Variants in CFAP54 observed in about 807,000 individuals in gnomAD.
The protein encoded by CFAP54 is cilia and flagella associated protein 54.
Under a neutral mutation model 370.4 loss-of-function variants are expected in CFAP54, and 290 were observed. The ratio of observed to expected loss-of-function variants is 0.78; its 90% CI spans 0.71 to 0.86. The LOEUF (loss-of-function observed/expected upper bound fraction) is 0.86, where lower values mean the gene tolerates loss of function less well. CFAP54 is among the 40% of genes least tolerant of loss of function. The pLI is 0.00. For missense variants in CFAP54, 3,399 were observed against 3,528.7 expected (o/e 0.96, Z 0.93); for synonymous variants, 1,206 against 1,236.5 (o/e 0.98, Z 0.52).
chr12:96,719,716 A>G (rs919024461), intron 49 of CFAP54, among the ~76,000 whole-genome samples: 1 of 152,216 alleles, frequency 6.6e-6, no homozygotes, highest in Admixed American at 6.5e-5. Flanking sequence ...AGATGCTCTG[A>G]CTTTTTGTTG....
At chr12:96,686,244 A>T (rs927563789) in intron 42 of CFAP54, among the ~76,000 whole-genome samples, 1 of 152,018 alleles carries the variant, frequency 6.6e-6, no homozygotes, top group Non-Finnish European at 1.5e-5. Context: ...TCAATATCCT[A>T]ATCTCCTCTT....
At chr12:96,792,130 G>A (rs1403456198) in intron 62 of CFAP54, among the ~76,000 whole-genome samples, 199 bp from the exon 63 acceptor site, 3 of 152,134 alleles carry the variant, frequency 2.0e-5, no homozygotes, top group Non-Finnish European at 4.4e-5. Flanking sequence ...GATTACAGGC[G>A]TCAGCCACCG....
At chr12:96,852,659 A>G (rs559881304) in intron 66 of CFAP54, among the ~76,000 whole-genome samples, 4 of 152,148 alleles carry the variant, frequency 2.6e-5, no homozygotes, top group Non-Finnish European at 4.4e-5. Context: ...TAAAGAAAAG[A>G]CTGATGGATT....
Position 96,644,343 on chromosome 12 carries a change from C to T in CFAP54, c.4482C>T (p.Asn1494=). The T allele has an allele frequency of 6.5e-7, 1 of 1,535,958 alleles. No homozygotes were observed. Among genetic ancestry groups the T allele is most frequent in the Non-Finnish European group, 8.7e-7 (1 of 1,146,814 alleles). The change falls in exon 33 of 68, where the codon AAC becomes AAT. Residue 1494 remains asparagine (N), a synonymous_variant. Transcript: ENST00000524981. Reference sequence around the variant, plus strand: ...TGTATCTAGCAGGTGCACACTTTAACCTGGTTTTACAAAAGCTATGGGAGT... The same window carrying T: ...TGTATCTAGCAGGTGCACACTTTAATCTGGTTTTACAAAAGCTATGGGAGT... The part of the protein sequence containing the change: ...MNLYLAGAHF[N]LVLQKLWECT...
At chr12:96,622,896 T>G (rs918098580) in intron 27 of CFAP54, among the ~76,000 whole-genome samples, 4 of 152,182 alleles carry the variant, frequency 2.6e-5, no homozygotes, top group Non-Finnish European at 5.9e-5. Context: ...ATGTTTTGTC[T>G]AGAGGGATTT....
At chr12:96,686,273 A>G (rs1189251497) in intron 42 of CFAP54, among the ~76,000 whole-genome samples, 1 of 152,196 alleles carries the variant, frequency 6.6e-6, no homozygotes, top group Non-Finnish European at 1.5e-5. Flanking sequence ...GATACCAGTC[A>G]TATTGGATTA....
rs533609641 is a variant in CFAP54 at position 96,822,597 on chromosome 12, G to A, written c.9096+4684G>A. Among the ~76,000 whole-genome samples, 5 of 152,206 alleles carry A rather than the reference G, an allele frequency of 3.3e-5. No individual in the cohort carries two copies. In the East Asian group the frequency reaches 9.7e-4, roughly 29 times the overall value. ...AGGAGCTTAATCAATGTACGAGTAT[G>A]GCCATAGGTACCCAGATGTCATTCC... On this transcript the variant is annotated intron_variant, in intron 65 of 67. Transcript: ENST00000524981.
At chr12:96,636,760 C>A (rs1179598981) in intron 32 of CFAP54, among the ~76,000 whole-genome samples, 1 of 152,142 alleles carries the variant, frequency 6.6e-6, no homozygotes, top group Admixed American at 6.6e-5. Context: ...TTGAGACCAG[C>A]CTGACCAACG....
intron 1 of CFAP54, among the ~76,000 whole-genome samples, chr12:96,499,981 AC>A (rs1955007614): frequency 6.6e-6 from 1 of 151,378 alleles, no homozygotes; most frequent in East Asian, 1.9e-4. Flanking sequence ...ACAAAACAAA[AC>A]AAAAAAAACC....
At chr12:96,764,049 T>C in intron 58 of CFAP54, 102 bp from the exon 59 acceptor site, 1 of 676,302 alleles carries the variant, frequency 1.5e-6, no homozygotes, top group South Asian at 2.0e-5. Flanking sequence ...GATACATTAT[T>C]ATCCTTAGTG....
chr12:96,594,313 A>G lies in CFAP54; in HGVS notation c.3383A>G (p.Glu1128Gly), dbSNP rs752020089. The G allele has an allele frequency of 2.7e-5, 42 of 1,533,000 alleles. No homozygotes were observed. In the African/African-American group the frequency reaches 5.3e-4, roughly 20 times the overall value. 95.0% of individuals were successfully genotyped at this position (1,533,000 alleles called of 1,614,324 possible). ...CAGATTGCCAGACTGATTGAATGTG[A>G]GAGAGTATTAGTGGCATTGGAACTT... Reference protein sequence around the residue: ...SQQIARLIECERVLVALELSN... With the variant: ...SQQIARLIECGRVLVALELSN... Residue 1128 changes from glutamate (E) to glycine (G), a missense_variant, in exon 25 of 68, where the codon GAG becomes GGG. Transcript: ENST00000524981.
intron 38 of CFAP54, among the ~76,000 whole-genome samples, chr12:96,662,817 C>A (rs982116367): frequency 4.6e-5 from 7 of 152,056 alleles, no homozygotes. Context: ...GATCCCTCAC[C>A]TTTTCCCAAT....
chr12:96,867,353 G>T (rs1960031728), intron 67 of CFAP54, among the ~76,000 whole-genome samples: 1 of 152,152 alleles, frequency 6.6e-6, no homozygotes, highest in African/African-American at 2.4e-5. Context: ...CACTTAGGCA[G>T]TCCTTTCCTT....
intron 32 of CFAP54, among the ~76,000 whole-genome samples, chr12:96,637,024 G>A (rs991229635): frequency 3.9e-5 from 6 of 152,154 alleles, no homozygotes; most frequent in Non-Finnish European, 7.4e-5. Flanking sequence ...AAAGAAACCC[G>A]GCACCCCTTA....
intron 25 of CFAP54, among the ~76,000 whole-genome samples, chr12:96,596,986 A>G (rs1956186871): frequency 6.6e-6 from 1 of 152,084 alleles, no homozygotes. Context: ...GGCAGGATTG[A>G]AAAGATTTGC....
intron 39 of CFAP54, among the ~76,000 whole-genome samples, chr12:96,671,986 GAAAGAAAGAA>G (rs1170156267): frequency 6.6e-6 from 1 of 151,634 alleles, no homozygotes; most frequent in Non-Finnish European, 1.5e-5. Context: ...GAGAGAGAAA[GAAAGAAAGAA>G]AAAGAAAGAA....
At chr12:96,860,732 A>C (rs893595765) in intron 66 of CFAP54, 87 bp from the exon 67 acceptor site, 4 of 1,290,980 alleles carry the variant, frequency 3.1e-6, no homozygotes, top group Non-Finnish European at 4.1e-6. Context: ...ATATAAAATT[A>C]TTAGAAATTG....
Position 96,657,645 on chromosome 12 carries a change from G to T in CFAP54, c.5101-237G>T, listed in dbSNP as rs186102914. On this transcript the variant is annotated intron_variant, in intron 36 of 67. Transcript: ENST00000524981. ...AAAGCTTGGTAGCTGCAGGTTTCTA[G>T]TGGCTATAGGGAACGATAATGAACA... Among the ~76,000 whole-genome samples, 138 of 152,310 alleles carry T rather than the reference G, an allele frequency of 9.1e-4. 1 individual carries two copies. Among genetic ancestry groups the T allele is most frequent in the South Asian group, 2.3e-3 (11 of 4,830 alleles).
intron 38 of CFAP54, among the ~76,000 whole-genome samples, chr12:96,658,849 A>T (rs988229274): frequency 1.3e-5 from 2 of 152,148 alleles, no homozygotes; most frequent in African/African-American, 2.4e-5. Flanking sequence ...ATCAGCCAGG[A>T]TTCAATCAGG....
Sources: allele counts gnomAD v4.1 joint callset (sites outside exome capture counted in the v4.1 genomes callset), GRCh38; gene constraint gnomAD v4.1.1; transcripts MANE v1.5; gene names NCBI Gene and HGNC (gene_info 2026-07-23, HGNC 2026-07-21).